The following SIDT1 variants were observed in gnomAD, a reference collection of about 807,000 sequenced individuals.
The protein encoded by SIDT1 is SID1 transmembrane family, member 1.
Under a neutral mutation model 107.5 loss-of-function variants are expected in SIDT1, and 101 were observed. That is an observed-to-expected ratio of 0.94 (90% confidence interval 0.80 to 1.11). The LOEUF (loss-of-function observed/expected upper bound fraction) is 1.11. SIDT1 is among the 50% of genes least tolerant of loss of function. The pLI is 0.00. For synonymous variants in SIDT1, 395 were observed against 398.2 expected, an observed-to-expected ratio of 0.99 and a Z score of 0.10; for missense variants, 1,076 against 1,058.2, an observed-to-expected ratio of 1.02 and a Z score of -0.23.
At chr3:113,611,967 GA>G in intron 18 of SIDT1, 118 bp from the exon 19 acceptor site, 1 of 684,466 alleles carries the variant, frequency 1.5e-6, no homozygotes, top group Non-Finnish European at 2.6e-6. Context: ...CAGAGGGGGA[GA>G]AAAATAGAAT....
chr3:113,631,931 G>C (rs1247543684), downstream of SIDT1, among the ~76,000 whole-genome samples: 1 of 152,188 alleles, frequency 6.6e-6, no homozygotes, highest in East Asian at 1.9e-4. Flanking sequence ...TAGATTAAGA[G>C]ATTTTATCAT....
intron 24 of SIDT1, among the ~76,000 whole-genome samples, chr3:113,626,802 GA>G (rs1243790771): frequency 6.6e-6 from 1 of 152,018 alleles, no homozygotes; most frequent in Non-Finnish European, 1.5e-5. Context: ...TCCTAACTTT[GA>G]TTTTTCCCAA....
chr3:113,562,266 A>G (rs60892802), intron 1 of SIDT1, among the ~76,000 whole-genome samples: 213 of 152,342 alleles, frequency 1.4e-3, no homozygotes, highest in African/African-American at 4.8e-3. Flanking sequence ...TAGGTAAATT[A>G]CTGGAATGTA....
chr3:113,581,317 G>C (rs1489345114), intron 5 of SIDT1, 44 bp from the exon 6 acceptor site: 1 of 1,484,260 alleles, frequency 6.7e-7, no homozygotes, highest in Non-Finnish European at 9.4e-7. Flanking sequence ...GACATTGCAT[G>C]ACATTATGGA....
chr3:113,572,313 A>G (rs1942532654), intron 3 of SIDT1, among the ~76,000 whole-genome samples: 2 of 152,252 alleles, frequency 1.3e-5, no homozygotes, highest in African/African-American at 4.8e-5. Context: ...GCTCTGAGTT[A>G]CAGTTAGGCA....
At chr3:113,584,626 C>A in intron 7 of SIDT1, 72 bp from the exon 8 acceptor site, 1 of 1,016,648 alleles carries the variant, frequency 9.8e-7, no homozygotes, top group Non-Finnish European at 1.5e-6. Flanking sequence ...AACAACAGTT[C>A]AGACAAGAGA....
chr3:113,591,061 CAGA>C (rs1308313813), intron 9 of SIDT1, among the ~76,000 whole-genome samples: 2 of 152,056 alleles, frequency 1.3e-5, no homozygotes, highest in Non-Finnish European at 2.9e-5. Flanking sequence ...AGGTCAAAGG[CAGA>C]AGAAGGAAAT....
At chr3:113,545,157 A>T (rs1317530266) in intron 1 of SIDT1, among the ~76,000 whole-genome samples, 1 of 150,182 alleles carries the variant, frequency 6.7e-6, no homozygotes, top group Non-Finnish European at 1.5e-5. Flanking sequence ...TCGTGAAGTA[A>T]TAATACTTGA....
intron 17 of SIDT1, 91 bp from the exon 18 acceptor site, chr3:113,610,917 G>A (rs528729175): frequency 2.1e-6 from 3 of 1,448,072 alleles, no homozygotes; most frequent in East Asian, 4.6e-5. Context: ...TGAAGTGAGG[G>A]GTACTCAGAG....
chr3:113,544,656 T>C (rs1374669080), intron 1 of SIDT1, among the ~76,000 whole-genome samples: 1 of 152,210 alleles, frequency 6.6e-6, no homozygotes, highest in Non-Finnish European at 1.5e-5. Flanking sequence ...TATACATTTT[T>C]GACATAACAC....
intron 21 of SIDT1, among the ~76,000 whole-genome samples, chr3:113,620,070 A>G (rs1481285548): frequency 6.6e-6 from 1 of 152,074 alleles, no homozygotes; most frequent in Non-Finnish European, 1.5e-5. Context: ...ATAGATAGAT[A>G]GATAGATAGA....
At chr3:113,575,215 A>G (rs1346920675) in intron 3 of SIDT1, among the ~76,000 whole-genome samples, 1 of 152,244 alleles carries the variant, frequency 6.6e-6, no homozygotes, top group African/African-American at 2.4e-5. Context: ...GCAAAAAAAT[A>G]TGGGTTTCTT....
At chr3:113,555,905 A>G (rs1326172410) in intron 1 of SIDT1, among the ~76,000 whole-genome samples, 1 of 149,746 alleles carries the variant, frequency 6.7e-6, no homozygotes, top group Non-Finnish European at 1.5e-5. Context: ...GTCTCCACAC[A>G]CAGGAAACAG....
chr3:113,610,254 A>T (rs1379534457), intron 17 of SIDT1, among the ~76,000 whole-genome samples: 1 of 152,184 alleles, frequency 6.6e-6, no homozygotes, highest in Non-Finnish European at 1.5e-5. Flanking sequence ...GTTCCTTGGG[A>T]TACCTAGAAG....
At chr3:113,601,435 C>T (rs1475938396) in intron 10 of SIDT1, 153 bp from the exon 11 acceptor site, 24 of 510,280 alleles carry the variant, frequency 4.7e-5, no homozygotes, top group Non-Finnish European at 3.5e-6. Flanking sequence ...CTAGATTTGG[C>T]AGATGGGTCA....
At chr3:113,545,760 T>C (rs1939517655) in intron 1 of SIDT1, among the ~76,000 whole-genome samples, 1 of 152,220 alleles carries the variant, frequency 6.6e-6, no homozygotes, top group Non-Finnish European at 1.5e-5. Context: ...CATGAGAAAC[T>C]GAAAGCCTGA....
chr3:113,589,294 T>A (rs1244459999), intron 9 of SIDT1, among the ~76,000 whole-genome samples: 1 of 152,204 alleles, frequency 6.6e-6, no homozygotes, highest in African/African-American at 2.4e-5. Flanking sequence ...ACCACCTGCC[T>A]TATCCTAGCT....
At chr3:113,537,567 T>A (rs1234971566) in intron 1 of SIDT1, among the ~76,000 whole-genome samples, 1 of 152,248 alleles carries the variant, frequency 6.6e-6, no homozygotes, top group African/African-American at 2.4e-5. Context: ...TTTGCTGAAC[T>A]GCACTAGTGC....
intron 1 of SIDT1, among the ~76,000 whole-genome samples, chr3:113,560,260 C>T (rs1045518096): frequency 1.3e-5 from 2 of 152,218 alleles, no homozygotes; most frequent in Non-Finnish European, 1.5e-5. Flanking sequence ...GCCTGTGCTG[C>T]TTCCCTGATT....
Sources: gnomAD v4.1 joint callset for allele counts (sites outside exome capture counted in the v4.1 genomes callset) on GRCh38, gnomAD v4.1.1 for gene constraint, MANE v1.5 for transcripts, NCBI Gene and HGNC (gene_info 2026-07-23, HGNC 2026-07-21) for gene names.